MRPL46: variants seen among roughly 807,000 people sequenced by gnomAD.
MRPL46 encodes the protein large ribosomal subunit protein mL46.
In MRPL46, 26 loss-of-function variants were observed where a neutral mutation model predicts 31.0. That is an observed-to-expected ratio of 0.84 (90% confidence interval 0.61 to 1.16). The LOEUF (loss-of-function observed/expected upper bound fraction) is 1.16. Ranked by LOEUF, MRPL46 falls within the 50% of genes most tolerant of loss-of-function variation. The pLI, the probability that MRPL46 is intolerant of heterozygous loss-of-function variation, is 0.00. For missense variants in MRPL46, 395 were observed against 340.0 expected (o/e 1.16, Z -1.27); for synonymous variants, 159 against 141.3 (o/e 1.13, Z -0.89).
rs1169082855 is a variant in MRPL46, at chr15:88,463,496, T to C, written c.589+1207A>G. ...CACTAGAACACAAGCTCCTAGGGAGTAGGGTAGTGTCCTGTTCATCACTGA... is the reference window on the plus strand; with the variant it reads ...CACTAGAACACAAGCTCCTAGGGAGCAGGGTAGTGTCCTGTTCATCACTGA... On this transcript the variant is annotated intron_variant, in intron 3 of 3. Coordinates refer to ENST00000312475, the MANE Select transcript of MRPL46 (RefSeq NM_022163.4). The surrounding 1 kb of genome is among the most constrained non-coding windows in gnomAD (Gnocchi z 5.4). 2 of 152,086 alleles carry C rather than the reference T, an allele frequency of 1.3e-5. No homozygotes were observed. Among genetic ancestry groups the C allele is most frequent in the Non-Finnish European group, 2.9e-5 (2 of 68,020 alleles). 9.4% of individuals were successfully genotyped at this position (152,086 alleles called of 1,614,324 possible). A position where few individuals can be genotyped will look rare whatever the true frequency, so the allele number is the denominator to read the frequency against.
chr15:88,464,587 A>T, intron 3 of MRPL46, 116 bp downstream of exon 3: 1 of 1,116,632 alleles, frequency 9.0e-7, no homozygotes, highest in Middle Eastern at 2.7e-4. Context: ...TAAACTTCAA[A>T]ATTTCCATTA....
At chr15:88,467,108 C>T in intron 1 of MRPL46, 42 bp downstream of exon 1, 1 of 1,594,052 alleles carries the variant, frequency 6.3e-7, no homozygotes, top group Non-Finnish European at 8.6e-7. Flanking sequence ...CTCAAAGTCA[C>T]GCAGAATAAA....
At chr15:88,460,008 TGAAAAG>T in intron 3 of MRPL46, 145 bp from the exon 4 acceptor site, 1 of 1,015,254 alleles carries the variant, frequency 9.8e-7, no homozygotes, top group Non-Finnish European at 1.4e-6. Flanking sequence ...GAGCCATTCC[TGAAAAG>T]AGGCTCCTCC....
chr15:88,465,935 T>A (rs1244680581), intron 1 of MRPL46, among the ~76,000 whole-genome samples, 162 bp from the exon 2 acceptor site: 1 of 148,774 alleles, frequency 6.7e-6, no homozygotes, highest in Admixed American at 6.6e-5. Context: ...AGAAAGGAAA[T>A]GGAGGGAAAA....
At position 88,463,517 on chromosome 15, in the gene MRPL46, A is replaced by G. The variant is rs2055495240; in HGVS notation, c.589+1186T>C. On this transcript the variant is annotated intron_variant, in intron 3 of 3. Coordinates refer to ENST00000312475, the MANE Select transcript of MRPL46 (RefSeq NM_022163.4). The surrounding 1 kb of genome is among the most constrained non-coding windows in gnomAD (Gnocchi z 5.4). ...GGAGTAGGGTAGTGTCCTGTTCATC[A>G]CTGAGACCCTATATGTCTGTTGCAT... 6.6e-6 allele frequency: 1 copy of G among 152,238 alleles called. No homozygotes were observed. The highest frequency in any genetic ancestry group is 1.5e-5 in the Non-Finnish European group (1 of 68,044). The allele number at this position is 152,238 out of a possible 1,614,324, so 9.4% of individuals were successfully genotyped here.
Position 88,465,529 on chromosome 15 carries a change from T to C in MRPL46, c.415+58A>G, listed in dbSNP as rs538761524. 8.7e-5 allele frequency: 128 copies of C among 1,478,596 alleles called. 3 individuals carry two copies. The South Asian group carries it at 1.7e-3, about 20-fold the overall frequency. 91.6% of individuals were successfully genotyped at this position (1,478,596 alleles called of 1,614,324 possible). On this transcript the variant is annotated intron_variant, in intron 2 of 3. Coordinates refer to ENST00000312475, the MANE Select transcript of MRPL46 (RefSeq NM_022163.4). ...GCAGGGGCCAAGCAACTGTCTTTTA[T>C]TTGGGAATCCAAATACCCCTTTTCC...
At chr15:88,465,083 G>C in intron 2 of MRPL46, 1 of 495,052 alleles carries the variant, frequency 2.0e-6, no homozygotes. Context: ...AAGAAATCAA[G>C]AGGTAAGCTT....
chr15:88,466,709 C>T lies in MRPL46; in HGVS notation c.228+441G>A, dbSNP rs117846381. Among the ~76,000 whole-genome samples the T allele has an allele frequency of 2.8e-3, 421 of 152,342 alleles. 2 individuals carry two copies. Among genetic ancestry groups the T allele is most frequent in the African/African-American group, 4.7e-3 (195 of 41,568 alleles). Reference sequence around the variant, plus strand: ...ACCTCACACCTTCACAGCCACTACACTGTTTTTGCCCATGCTTCCTCACTT... The same window carrying T: ...ACCTCACACCTTCACAGCCACTACATTGTTTTTGCCCATGCTTCCTCACTT... On this transcript the variant is annotated intron_variant, in intron 1 of 3. Transcript: ENST00000312475.
rs754728865 is a variant in MRPL46 at position 88,464,707 on chromosome 15, G to C, written c.585C>G (p.Leu195=). Residue 195 remains leucine, a synonymous_variant, in exon 3 of 4, where the codon CTC becomes CTG. Transcript: ENST00000312475. ...RGTAERTLAT[L]SENNMEAKFL... is the part of the protein sequence containing the mutation. ...AGAGGAAGGCAGAAAACCCACCTGA[G>C]AGTGTGGCCAGGGTTCGTTCAGCTG... is the stretch of plus-strand genomic sequence containing the variant. 2.5e-6 allele frequency: 4 copies of C among 1,612,178 alleles called. No individual in the cohort carries two copies. The Admixed American group carries it at 5.0e-5, about 20-fold the overall frequency.
rs543339761 is a variant in MRPL46, at chr15:88,463,309, A to G, written c.589+1394T>C. On this transcript the variant is annotated intron_variant, in intron 3 of 3. Transcript: ENST00000312475. This position sits in a 1 kb window ranked among gnomAD's most constrained non-coding sequence, Gnocchi z 5.4. Reference sequence around the variant, plus strand: ...GCACCACCAAATCCATTTAGTCAACATTCAACAAATGCCTATGTGCCAGGT... The same window carrying G: ...GCACCACCAAATCCATTTAGTCAACGTTCAACAAATGCCTATGTGCCAGGT... The G allele has an allele frequency of 2.2e-4, 34 of 152,374 alleles. No individual in the cohort carries two copies. The highest frequency in any genetic ancestry group is 7.9e-4 in the African/African-American group (33 of 41,582). The allele number at this position is 152,374 out of a possible 1,614,324, so 9.4% of individuals were successfully genotyped here. A position where few individuals can be genotyped will look rare whatever the true frequency, so the allele number is the denominator to read the frequency against.
chr15:88,465,303 A>G (rs1043263934), intron 2 of MRPL46: 29 of 428,630 alleles, frequency 6.8e-5, no homozygotes, highest in African/African-American at 4.7e-4. Context: ...GAATTAGTGG[A>G]AAAAGGCTTC....
chr15:88,464,834 A>T lies in MRPL46; in HGVS notation c.458T>A (p.Leu153Gln). Residue 153 changes from leucine to glutamine, a missense_variant, in exon 3 of 4, where the codon CTA (leucine) becomes CAA (glutamine). Transcript: ENST00000312475. The part of the protein sequence containing the change: ...KNDRTSLNRK[L>Q]DRNLVLLVRE... Reference sequence around the variant, plus strand: ...GACTAACAGGACAAGGTTCCTGTCTAGCTTCCTGTTCAGGGATGTTCGGTC... The same window carrying T: ...GACTAACAGGACAAGGTTCCTGTCTTGCTTCCTGTTCAGGGATGTTCGGTC... 1.2e-6 allele frequency: 2 copies of T among 1,614,152 alleles called. No homozygotes were observed. The highest frequency in any genetic ancestry group is 1.7e-6 in the Non-Finnish European group (2 of 1,180,012).
At chr15:88,466,226 T>A (rs1229371530) in intron 1 of MRPL46, among the ~76,000 whole-genome samples, 7 of 152,246 alleles carry the variant, frequency 4.6e-5, no homozygotes, top group Admixed American at 3.3e-4. Flanking sequence ...AATATGACTG[T>A]CTCAGAGAGA....
intron 3 of MRPL46, chr15:88,462,250 GTGGTGGAA>G (rs1378106797): frequency 1.3e-5 from 2 of 151,910 alleles, no homozygotes; most frequent in East Asian, 3.9e-4. Flanking sequence ...GTATCTGTGA[GTGGTGGAA>G]TTGTATTGGC....
Position 88,465,756 on chromosome 15 carries a change from G to A in MRPL46, c.246C>T (p.Ser82=). The stretch of plus-strand genomic sequence containing the variant: ...CACGAAGCTCGTGGTCTGAATACAG[G>A]CTTCTCTCTATCTCAATCTGGGAAA... ...SLLQQIEIER[S]LYSDHELRAL... Residue 82 remains serine (S), a synonymous_variant, in exon 2 of 4, where the codon AGC becomes AGT. Transcript: ENST00000312475. 1 of 1,595,888 alleles carries A rather than the reference G, an allele frequency of 6.3e-7. No homozygotes were observed. The highest frequency in any genetic ancestry group is 8.5e-7 in the Non-Finnish European group (1 of 1,175,204).
At chr15:88,459,915 C>A in intron 3 of MRPL46, 52 bp from the exon 4 acceptor site, 2 of 1,598,806 alleles carry the variant, frequency 1.3e-6, no homozygotes, top group Non-Finnish European at 1.7e-6. Flanking sequence ...ATACAGCCAT[C>A]TGTTTACTCT....
Position 88,459,807 on chromosome 15 carries a change from TG to T in MRPL46, c.645del (p.Phe215LeufsTer25), listed in dbSNP as rs772592906. ...LGNAPCGHYT[F>X]KFPQAMRTES... ...TCTGTCCGCATTGCCTGGGGGAACT[TG>T]AATGTGTAGTGCCCACAGGGTGCAT... On this transcript the variant is annotated frameshift_variant, in exon 4 of 4. Transcript: ENST00000312475. LOFTEE classifies it high-confidence loss of function. The T allele has an allele frequency of 6.2e-7, 1 of 1,614,190 alleles. No homozygotes were observed. The highest frequency in any genetic ancestry group is 8.5e-7 in the Non-Finnish European group (1 of 1,180,028).
Position 88,459,670 on chromosome 15 carries a change from A to C in MRPL46, c.783T>G (p.Gly261=). The C allele has an allele frequency of 6.2e-7, 1 of 1,614,174 alleles. No homozygotes were observed. Among genetic ancestry groups the C allele is most frequent in the African/African-American group, 1.3e-5 (1 of 75,044 alleles). ...HHVWVTKDEL[G]DYLKPKYLAQ... ...CCAGGTATTTTGGTTTCAAATAGTC[A>C]CCCAGCTCATCCTTAGTGACCCACA... is the stretch of plus-strand genomic sequence containing the variant. Residue 261 remains glycine, a synonymous_variant, in exon 4 of 4, where the codon GGT becomes GGG. Coordinates refer to ENST00000312475, the MANE Select transcript of MRPL46 (RefSeq NM_022163.4).
In MRPL46 at chr15:88,463,352, G is replaced by C. The variant is rs905917940; in HGVS notation, c.589+1351C>G. ...TGCCAGGTACTTTGCTGAAAGCTAG[G>C]ATCAGAGAGAGGAACAGATACTGCC... On this transcript the variant is annotated intron_variant, in intron 3 of 3. Coordinates refer to ENST00000312475, the MANE Select transcript of MRPL46 (RefSeq NM_022163.4). This position sits in a 1 kb window ranked among gnomAD's most constrained non-coding sequence, Gnocchi z 5.4. The C allele has an allele frequency of 2.0e-5, 3 of 152,242 alleles. No individual in the cohort carries two copies. Among genetic ancestry groups the C allele is most frequent in the African/African-American group, 7.2e-5 (3 of 41,466 alleles). 9.4% of individuals were successfully genotyped at this position (152,242 alleles called of 1,614,324 possible). A position where few individuals can be genotyped will look rare whatever the true frequency, so the allele number is the denominator to read the frequency against.
Sources: gnomAD v4.1 joint callset for allele counts (sites outside exome capture counted in the v4.1 genomes callset) on GRCh38, gnomAD v4.1.1 for gene constraint, Gnocchi (gnomAD v3.1) non-coding constraint, MANE v1.5 for transcripts, NCBI Gene and HGNC (gene_info 2026-07-23, HGNC 2026-07-21) for gene names.